SRP72: variants seen among roughly 807,000 people sequenced by gnomAD.
The protein encoded by SRP72 is signal recognition particle 72, also known as signal recognition particle subunit SRP72.
In SRP72, 49 loss-of-function variants were observed where a neutral mutation model predicts 96.3. That is an observed-to-expected ratio of 0.51 (90% CI 0.40 to 0.65). SRP72 has a LOEUF of 0.65. Ranked by LOEUF, SRP72 falls within the 30% of genes least tolerant of loss-of-function variation. The pLI is 0.00. For missense variants in SRP72, 736 were observed against 793.3 expected (o/e 0.93, Z 0.87); for synonymous variants, 267 against 275.2 (o/e 0.97, Z 0.30).
intron 11 of SRP72, 89 bp from the exon 12 acceptor site, chr4:56,487,860 A>G: frequency 1.0e-6 from 1 of 961,496 alleles, no homozygotes; most frequent in Middle Eastern, 2.2e-4. Flanking sequence ...TTCCTAAGGA[A>G]AAGTAGTGGG....
At chr4:56,476,448 C>T (rs1240023052) in intron 5 of SRP72, 1 of 525,166 alleles carries the variant, frequency 1.9e-6, no homozygotes, top group Admixed American at 3.9e-5. Flanking sequence ...ATATTTTTAG[C>T]ACAGACACAA....
intron 13 of SRP72, 93 bp downstream of exon 13, chr4:56,489,576 G>A (rs73240552): frequency 2.8e-5 from 17 of 606,846 alleles, no homozygotes; most frequent in South Asian, 1.3e-4. Flanking sequence ...AGTATTACAC[G>A]TCACTATTTT....
rs571364978 is a variant in SRP72, at chr4:56,474,207, C to G, written c.498+10C>G. On this transcript the variant is annotated intron_variant, in intron 4 of 18. Transcript: ENST00000642900. ...GGAAAAAGTGGTTCCAGTGAGTATC[C>G]TTGTGGTGTACCCATACAGTCATGA... 5.0e-6 allele frequency: 8 copies of G among 1,613,998 alleles called. No individual in the cohort carries two copies. The African/African-American group carries it at 8.0e-5, about 16-fold the overall frequency.
rs58167288 is a variant in SRP72 at position 56,477,116 on chromosome 4, TAG to T, written c.642+417_642+418del. 2.4e-3 allele frequency: 341 copies of T among 143,584 alleles called. 3 individuals carry two copies. Among genetic ancestry groups the T allele is most frequent in the African/African-American group, 9.2e-3 (333 of 36,292 alleles). The allele number at this position is 143,584 out of a possible 1,614,324, so 8.9% of individuals were successfully genotyped here. ...ATACAGTTGGTAAGCACTTCCATTA[TAG>T]AGTCCTTATGTTTTTTTTTTGTTGT... is the stretch of plus-strand genomic sequence containing the variant. On this transcript the variant is annotated intron_variant, in intron 6 of 18. Transcript: ENST00000642900.
intron 17 of SRP72, 119 bp from the exon 18 acceptor site, chr4:56,500,417 C>T: frequency 8.9e-7 from 1 of 1,127,962 alleles, no homozygotes; most frequent in Non-Finnish European, 1.2e-6. Context: ...ACTAAACTTT[C>T]TCAAATAAAT....
rs1720784020 is a variant in SRP72, at chr4:56,488,152, G to T, written c.1224+139G>T. 3 of 594,832 alleles carry T rather than the reference G, an allele frequency of 5.0e-6. No individual in the cohort carries two copies. The South Asian group carries it at 7.4e-5, about 15-fold the overall frequency. 36.8% of individuals were successfully genotyped at this position (594,832 alleles called of 1,614,324 possible). ...TAATTATAATAGTAATAGTTGTCTGGTATAAATTTAATTTCATTCTCTGCT... is the reference window on the plus strand; with the variant it reads ...TAATTATAATAGTAATAGTTGTCTGTTATAAATTTAATTTCATTCTCTGCT... On this transcript the variant is annotated intron_variant, in intron 12 of 18. Coordinates refer to ENST00000642900, the MANE Select transcript of SRP72 (RefSeq NM_006947.4).
chr4:56,474,298 G>A lies in SRP72; in HGVS notation c.517G>A (p.Glu173Lys). The change falls in exon 5 of 19, where the codon GAA (glutamate) becomes AAA (lysine). Residue 173 changes from glutamate to lysine, a missense_variant. Coordinates refer to ENST00000642900, the MANE Select transcript of SRP72 (RefSeq NM_006947.4). ...KVVPENLGLQEGTHELCYNTA... is the reference protein window; with the variant it reads ...KVVPENLGLQKGTHELCYNTA... ...CTGACAGGAGAACCTGGGCCTCCAA[G>A]AAGGCACACATGAGCTGTGCTACAA... 6.2e-7 allele frequency: 1 copy of A among 1,614,058 alleles called. No individual in the cohort carries two copies. The highest frequency in any genetic ancestry group is 8.5e-7 in the Non-Finnish European group (1 of 1,179,976).
Position 56,495,306 on chromosome 4 carries a change from C to T in SRP72, c.1641-51C>T, listed in dbSNP as rs376020998. On this transcript the variant is annotated intron_variant, in intron 16 of 18. Transcript: ENST00000642900. ...TCTTATAGAGCACTTACTTAATGCT[C>T]TATAAATATTTTATCACAAAGATGG... 3.1e-5 allele frequency: 40 copies of T among 1,311,378 alleles called. No homozygotes were observed. In the African/African-American group the frequency reaches 5.5e-4, roughly 18 times the overall value. The allele number at this position is 1,311,378 out of a possible 1,614,324, so 81.2% of individuals were successfully genotyped here.
At chr4:56,497,933 A>T (rs2110132509) in intron 17 of SRP72, among the ~76,000 whole-genome samples, 1 of 152,326 alleles carries the variant, frequency 6.6e-6, no homozygotes, top group Middle Eastern at 3.4e-3. Context: ...TCTGTTCAGA[A>T]GATGAATGAC....
chr4:56,486,814 C>T (rs1720727276), intron 11 of SRP72, among the ~76,000 whole-genome samples: 1 of 152,100 alleles, frequency 6.6e-6, no homozygotes, highest in African/African-American at 2.4e-5. Context: ...TACACTTTGC[C>T]ACCTATGTCT....
chr4:56,493,240 C>G (rs896812578), intron 16 of SRP72, among the ~76,000 whole-genome samples: 1 of 151,672 alleles, frequency 6.6e-6, no homozygotes, highest in Non-Finnish European at 1.5e-5. Flanking sequence ...TTCACCATGT[C>G]GATCAGGCTG....
At chr4:56,481,711 A>G (rs574672804) in intron 8 of SRP72, among the ~76,000 whole-genome samples, 3 of 150,930 alleles carry the variant, frequency 2.0e-5, no homozygotes, top group Non-Finnish European at 4.4e-5. Flanking sequence ...ACACTTTGTA[A>G]GTTTTTCACA....
chr4:56,478,511 AT>A lies in SRP72; in HGVS notation c.767+10del, dbSNP rs1332783540. The A allele has an allele frequency of 6.2e-7, 1 of 1,613,852 alleles. No homozygotes were observed. Among genetic ancestry groups the A allele is most frequent in the Non-Finnish European group, 8.5e-7 (1 of 1,179,920 alleles). On this transcript the variant is annotated intron_variant, in intron 7 of 18. Transcript: ENST00000642900. ...TCAAATAATAAAACTAAAGTGAGTT[AT>A]TAAAAGGAAGTGTCTTTTATAGGGG...
At chr4:56,491,303 TGC>T in intron 15 of SRP72, 126 bp from the exon 16 acceptor site, 1 of 949,884 alleles carries the variant, frequency 1.1e-6, no homozygotes, top group Non-Finnish European at 1.6e-6. Context: ...GAACATTTTT[TGC>T]TTTTGTTGAA....
intron 8 of SRP72, among the ~76,000 whole-genome samples, chr4:56,481,491 A>T (rs1304322299): frequency 1.3e-5 from 2 of 152,090 alleles, no homozygotes; most frequent in South Asian, 4.1e-4. Context: ...GTGCCCCCAC[A>T]TGGGAATTTT....
intron 3 of SRP72, 80 bp downstream of exon 3, chr4:56,471,923 A>G (rs1719994891): frequency 6.5e-7 from 1 of 1,541,846 alleles, no homozygotes; most frequent in African/African-American, 1.4e-5. Flanking sequence ...GGGTTGAGGA[A>G]ACCCAGCCCA....
At chr4:56,501,319 A>AATCACGTGAACCCAGAAGG (rs1390895562) in intron 18 of SRP72, among the ~76,000 whole-genome samples, 1 of 152,108 alleles carries the variant, frequency 6.6e-6, no homozygotes, top group Non-Finnish European at 1.5e-5. Flanking sequence ...GAGGCAGGAG[A>AATCACGTGAACCCAGAAGG]ATCACGTGAA....
At chr4:56,486,191 G>A in intron 10 of SRP72, 134 bp from the exon 11 acceptor site, 1 of 613,896 alleles carries the variant, frequency 1.6e-6, no homozygotes, top group Non-Finnish European at 2.7e-6. Flanking sequence ...CCCAAGTTAA[G>A]ATTTTGACCT....
intron 1 of SRP72, among the ~76,000 whole-genome samples, chr4:56,467,975 TC>T (rs1331033182): frequency 6.6e-6 from 1 of 152,228 alleles, no homozygotes; most frequent in Non-Finnish European, 1.5e-5. Flanking sequence ...CGTGTACTTC[TC>T]TTTTTACCCT....
Sources: allele counts gnomAD v4.1 joint callset (sites outside exome capture counted in the v4.1 genomes callset), GRCh38; gene constraint gnomAD v4.1.1; transcripts MANE v1.5; gene names NCBI Gene and HGNC (gene_info 2026-07-23, HGNC 2026-07-21).